Variants in LRIF1 observed in about 807,000 individuals in gnomAD.
LRIF1 encodes ligand-dependent nuclear receptor-interacting factor 1.
A neutral mutation model predicts 52.7 loss-of-function variants in LRIF1; 32 were observed. The observed-to-expected ratio is 0.61, with a 90% CI of 0.46 to 0.82. LRIF1 has a LOEUF of 0.82. LRIF1 is among the 40% of genes least tolerant of loss of function. The probability of loss-of-function intolerance (pLI) is 0.00; values close to 1 mark genes in which losing one functional copy is unlikely to be tolerated. For missense variants in LRIF1, 887 were observed against 892.0 expected, an observed-to-expected ratio of 0.99 and a Z score of 0.07; for synonymous variants, 323 against 317.4, an observed-to-expected ratio of 1.02 and a Z score of -0.19.
chr1:110,954,306 G>C (rs1456849298), intron 1 of LRIF1, among the ~76,000 whole-genome samples: 3 of 152,144 alleles, frequency 2.0e-5, no homozygotes, highest in African/African-American at 7.2e-5. Context: ...GTTGAGACAG[G>C]GCCCGGCTCT....
At chr1:110,892,267 T>C in the LRIF1 span, 1 of 1,001,518 alleles carries the variant, frequency 1.0e-6, no homozygotes, top group South Asian at 1.3e-5. Flanking sequence ...GTGATTCTGA[T>C]CTCAAGGAAG....
chr1:110,949,479 G>A (rs1658368435), intron 3 of LRIF1, among the ~76,000 whole-genome samples: 1 of 150,868 alleles, frequency 6.6e-6, no homozygotes, highest in South Asian at 2.1e-4. Flanking sequence ...GAGTGCAATG[G>A]TGCGATCTCG....
intron 3 of LRIF1, 83 bp downstream of exon 3, chr1:110,949,768 A>G: frequency 7.2e-7 from 1 of 1,390,424 alleles, no homozygotes; most frequent in Non-Finnish European, 9.8e-7. Flanking sequence ...CTAATGCACA[A>G]GGGTTAAAAC....
intron 1 of LRIF1, among the ~76,000 whole-genome samples, chr1:110,958,717 G>A (rs1658822174): frequency 6.6e-6 from 1 of 152,154 alleles, no homozygotes; most frequent in Non-Finnish European, 1.5e-5. Flanking sequence ...GTGTATCAGT[G>A]AGAGTCACAT....
At chr1:110,922,726 G>T in the LRIF1 span, among the ~76,000 whole-genome samples, 2 of 152,166 alleles carry the variant, frequency 1.3e-5, no homozygotes, top group Admixed American at 6.5e-5. Context: ...ACACAGATTT[G>T]TTCTCTCATA....
At chr1:110,894,944 G>T in the LRIF1 span, 1 of 1,604,236 alleles carries the variant, frequency 6.2e-7, no homozygotes, top group South Asian at 1.1e-5. Flanking sequence ...TCCTCTGCTG[G>T]AATGTGCCTG....
chr1:110,959,506 C>T (rs760975449), intron 1 of LRIF1, among the ~76,000 whole-genome samples: 2 of 151,758 alleles, frequency 1.3e-5, no homozygotes, highest in African/African-American at 2.4e-5. Flanking sequence ...AATCCCAGCA[C>T]CTTGGGAGGC....
chr1:110,931,181 G>A, the LRIF1 span, among the ~76,000 whole-genome samples: 1 of 152,036 alleles, frequency 6.6e-6, no homozygotes, highest in Admixed American at 6.6e-5. Context: ...TCCCCTCTGT[G>A]TGTCCATGTG....
chr1:110,899,080 G>C, the LRIF1 span: 1 of 1,472,210 alleles, frequency 6.8e-7, no homozygotes, highest in Non-Finnish European at 9.5e-7. Context: ...GAAAGAAATG[G>C]CTTTTCTTAT....
At chr1:110,914,270 T>C in the LRIF1 span, among the ~76,000 whole-genome samples, 1 of 151,872 alleles carries the variant, frequency 6.6e-6, no homozygotes, top group African/African-American at 2.4e-5. Flanking sequence ...AATTTACCCA[T>C]GTAACAAACC....
downstream of LRIF1, among the ~76,000 whole-genome samples, chr1:110,943,311 C>T (rs1395187594): frequency 6.6e-6 from 1 of 152,062 alleles, no homozygotes; most frequent in East Asian, 1.9e-4. Context: ...CAGCATTGGA[C>T]AAATTATGAA....
the LRIF1 span, chr1:110,895,093 C>A: frequency 1.4e-6 from 2 of 1,465,332 alleles, no homozygotes; most frequent in Non-Finnish European, 1.9e-6. Flanking sequence ...TCAGCCCAGA[C>A]TTCATTTTCA....
chr1:110,951,700 G>GT lies in LRIF1; in HGVS notation c.1183dup (p.Thr395AsnfsTer24). 6.2e-7 allele frequency: 1 copy of GT among 1,613,924 alleles called. No individual in the cohort carries two copies. The highest frequency in any genetic ancestry group is 8.5e-7 in the Non-Finnish European group (1 of 1,179,994). ...TGGACTTGAACTCACTGTCTGTAAC[G>GT]TGTCTTTTCTTACTGGAGTATCAGG... On this transcript the variant is annotated frameshift_variant, in exon 2 of 4. Coordinates refer to ENST00000369763, the MANE Select transcript of LRIF1 (RefSeq NM_018372.4). LOFTEE classifies it high-confidence loss of function.
At chr1:110,946,039 T>C (rs904293916), downstream of LRIF1, among the ~76,000 whole-genome samples, 12 of 152,310 alleles carry the variant, frequency 7.9e-5, no homozygotes, top group African/African-American at 2.6e-4. Flanking sequence ...TTAAAAAACC[T>C]TGTACACAAA....
At chr1:110,936,863 A>G in the LRIF1 span, 2 of 152,166 alleles carry the variant, frequency 1.3e-5, no homozygotes, top group Admixed American at 1.3e-4. Context: ...ATAAAGACAC[A>G]TATAGACTAC....
chr1:110,901,833 A>G, the LRIF1 span, among the ~76,000 whole-genome samples: 1 of 152,202 alleles, frequency 6.6e-6, no homozygotes, highest in African/African-American at 2.4e-5. Flanking sequence ...CATGCACAAA[A>G]TGAAACTTAT....
At chr1:110,937,999 G>A in the LRIF1 span, 1 of 152,032 alleles carries the variant, frequency 6.6e-6, no homozygotes, top group Non-Finnish European at 1.5e-5. Context: ...AATGTTCCAA[G>A]ATTGAACTAT....
At chr1:110,945,559 G>A (rs1050487838), downstream of LRIF1, among the ~76,000 whole-genome samples, 2 of 152,096 alleles carry the variant, frequency 1.3e-5, no homozygotes, top group Non-Finnish European at 2.9e-5. Flanking sequence ...CCCAGTAGCC[G>A]AGATTACAGG....
the LRIF1 span, among the ~76,000 whole-genome samples, chr1:110,887,843 C>T: frequency 6.6e-6 from 1 of 152,168 alleles, no homozygotes. Context: ...TCTTAATGGA[C>T]ACTTTGGTAG....
Sources: allele counts gnomAD v4.1 joint callset (sites outside exome capture counted in the v4.1 genomes callset), GRCh38; gene constraint gnomAD v4.1.1; transcripts MANE v1.5; gene names NCBI Gene and HGNC (gene_info 2026-07-23, HGNC 2026-07-21).